Variants in CD163L1 observed in about 807,000 individuals in gnomAD.
The protein encoded by CD163L1 is scavenger receptor cysteine-rich type 1 protein M160.
Under a neutral mutation model 165.4 loss-of-function variants are expected in CD163L1, and 124 were observed. The ratio of observed to expected loss-of-function variants is 0.75; its 90% confidence interval spans 0.65 to 0.87. The LOEUF is 0.87. CD163L1 is among the 40% of genes least tolerant of loss of function. CD163L1 has a pLI of 0.00. For synonymous variants in CD163L1, 585 were observed against 662.2 expected (o/e 0.88, Z 1.79); for missense variants, 1,525 against 1,799.9 (o/e 0.85, Z 2.76).
At position 7,441,200 on chromosome 12, in the gene CD163L1, T is replaced by TA. The variant is rs1337653993; in HGVS notation, c.77dup (p.Thr27AsnfsTer16). On this transcript the variant is annotated frameshift_variant, in exon 2 of 20. Transcript: ENST00000313599. LOFTEE classifies it high-confidence loss of function. ...AGGAATTCAGGAGCAGGATGCAAGTTACCACAGCAGAGAAAAGGTTCTGAT... is the reference window on the plus strand; with the variant it reads ...AGGAATTCAGGAGCAGGATGCAAGTTAACCACAGCAGAGAAAAGGTTCTGAT... The TA allele has an allele frequency of 6.2e-7, 1 of 1,613,974 alleles. No homozygotes were observed. Among genetic ancestry groups the TA allele is most frequent in the East Asian group, 2.2e-5 (1 of 44,868 alleles).
rs771003199 is a variant in CD163L1, at chr12:7,406,576, T to C, written c.1043A>G (p.Asn348Ser). The change falls in exon 5 of 20, where the codon AAT becomes AGT. Residue 348 changes from asparagine (N) to serine (S), a missense_variant. Physicochemically the swap from Asn to Ser is conservative, Grantham distance 46. Transcript: ENST00000313599. ...ATCGTTTTGATGAAGACAGTCAAAATTGACGGTTCCGGAATGTCTGCAGTC... is the reference window on the plus strand; with the variant it reads ...ATCGTTTTGATGAAGACAGTCAAAACTGACGGTTCCGGAATGTCTGCAGTC... ...LWDCRHSGTVNFDCLHQNDVS... is the reference protein window; with the variant it reads ...LWDCRHSGTVSFDCLHQNDVS... 16 of 1,613,966 alleles carry C rather than the reference T, an allele frequency of 9.9e-6. No homozygotes were observed. Among genetic ancestry groups the C allele is most frequent in the Middle Eastern group, 1.6e-4 (1 of 6,082 alleles).
At position 7,421,468 on chromosome 12, in the gene CD163L1, T is replaced by TATATATATAC. The variant is rs1555202362; in HGVS notation, c.766+10947_766+10948insGTATATATAT. Among the ~76,000 whole-genome samples, 30 of 93,390 alleles carry TATATATATAC rather than the reference T, an allele frequency of 3.2e-4. 2 individuals carry two copies. The highest frequency in any genetic ancestry group is 2.3e-3 in the East Asian group (5 of 2,186). 61.3% of individuals were successfully genotyped at this position (93,390 alleles called of 152,430 possible). On this transcript the variant is annotated intron_variant, in intron 4 of 19. Coordinates refer to ENST00000313599, the MANE Select transcript of CD163L1 (RefSeq NM_174941.6). ...ATACATATATGTACATATATACATATATATACATATATGTACATATATACA... is the reference window on the plus strand; with the variant it reads ...ATACATATATGTACATATATACATATATATATATACATATACATATATGTACATATATACA...
intron 8 of CD163L1, among the ~76,000 whole-genome samples, chr12:7,389,266 T>C (rs1428408589): frequency 6.6e-6 from 1 of 152,238 alleles, no homozygotes; most frequent in African/African-American, 2.4e-5. Flanking sequence ...CACCAACATT[T>C]GTTATTGCCT....
chr12:7,397,623 T>C (rs774309126), intron 7 of CD163L1, among the ~76,000 whole-genome samples: 1 of 152,124 alleles, frequency 6.6e-6, no homozygotes, highest in Non-Finnish European at 1.5e-5. Context: ...CTTGAAGAAA[T>C]TGAATCTCTC....
At chr12:7,344,055 C>A (rs916612937), downstream of CD163L1, among the ~76,000 whole-genome samples, 35 of 151,984 alleles carry the variant, frequency 2.3e-4, no homozygotes, top group African/African-American at 8.2e-4. Flanking sequence ...AGTCTGAAAC[C>A]CCAGCAGGGC....
At chr12:7,331,559 C>T in the CD163L1 span, among the ~76,000 whole-genome samples, 3 of 152,214 alleles carry the variant, frequency 2.0e-5, no homozygotes, top group Non-Finnish European at 2.9e-5. Flanking sequence ...ACACCTCACA[C>T]GTCCGGGTAC....
chr12:7,405,600 G>A (rs1948000497), intron 5 of CD163L1, among the ~76,000 whole-genome samples: 1 of 152,114 alleles, frequency 6.6e-6, no homozygotes, highest in Non-Finnish European at 1.5e-5. Context: ...GTCTACATAT[G>A]TTTTTCTATG....
chr12:7,335,707 C>G, the CD163L1 span, among the ~76,000 whole-genome samples: 1 of 152,204 alleles, frequency 6.6e-6, no homozygotes, highest in African/African-American at 2.4e-5. Flanking sequence ...AAACTACCAT[C>G]AGAGTGAACA....
downstream of CD163L1, among the ~76,000 whole-genome samples, chr12:7,346,418 A>G (rs1173855194): frequency 6.6e-6 from 1 of 151,516 alleles, no homozygotes; most frequent in Non-Finnish European, 1.5e-5. Context: ...TGTCTTTCCT[A>G]TTACTGCTTG....
chr12:7,400,899 T>A lies in CD163L1; in HGVS notation c.1409-2315A>T, dbSNP rs550419127. ...TTATGTATTTTATAAAGGGACTCTA[T>A]AAAATACACAGAGTTCTTACACATT... is the stretch of plus-strand genomic sequence containing the variant. On this transcript the variant is annotated intron_variant, in intron 6 of 19. Coordinates refer to ENST00000313599, the MANE Select transcript of CD163L1 (RefSeq NM_174941.6). This position sits in a 1 kb window ranked among gnomAD's most constrained non-coding sequence, Gnocchi z 4.1. Among the ~76,000 whole-genome samples the A allele has an allele frequency of 7.9e-4, 120 of 152,246 alleles. No individual in the cohort carries two copies. The highest frequency in any genetic ancestry group is 1.4e-3 in the Non-Finnish European group (95 of 68,016).
At chr12:7,360,606 T>C (rs1234012843) in intron 18 of CD163L1, among the ~76,000 whole-genome samples, 2 of 152,198 alleles carry the variant, frequency 1.3e-5, no homozygotes, top group South Asian at 2.1e-4. Context: ...CAGTGATTTT[T>C]TGAAAAATTT....
chr12:7,409,411 T>C (rs150332869), intron 4 of CD163L1, among the ~76,000 whole-genome samples: 49 of 151,926 alleles, frequency 3.2e-4, no homozygotes, highest in African/African-American at 1.1e-3. Context: ...TCGGGGGGAA[T>C]GGAGGGGACA....
chr12:7,346,805 A>ATCTTCG (rs1337894062), exon 5 of CD163L1: 1 of 152,126 alleles, frequency 6.6e-6, no homozygotes, highest in Non-Finnish European at 1.5e-5. Flanking sequence ...AGTTTTCAGG[A>ATCTTCG]CAAGTACAAA....
chr12:7,334,585 C>G, the CD163L1 span, among the ~76,000 whole-genome samples: 3 of 152,144 alleles, frequency 2.0e-5, no homozygotes, highest in Non-Finnish European at 2.9e-5. Flanking sequence ...TGGCACAAGA[C>G]AGGGATGCCT....
At chr12:7,363,695 G>A (rs1391933212) in intron 18 of CD163L1, among the ~76,000 whole-genome samples, 5 of 150,954 alleles carry the variant, frequency 3.3e-5, no homozygotes, top group African/African-American at 1.2e-4. Context: ...TATATTTCTA[G>A]TCATATACAA....
the CD163L1 span, chr12:7,327,068 A>G: frequency 6.2e-7 from 1 of 1,610,028 alleles, no homozygotes; most frequent in Admixed American, 1.7e-5. Flanking sequence ...TGAAAAAATC[A>G]ACTGCACCTT....
At chr12:7,329,058 G>A in the CD163L1 span, among the ~76,000 whole-genome samples, 1 of 146,820 alleles carries the variant, frequency 6.8e-6, no homozygotes, top group Non-Finnish European at 1.5e-5. Context: ...ATATACATAT[G>A]TATATATCTG....
chr12:7,359,397 A>T (rs2136380710), intron 18 of CD163L1, among the ~76,000 whole-genome samples: 1 of 152,262 alleles, frequency 6.6e-6, no homozygotes, highest in Middle Eastern at 3.4e-3. Flanking sequence ...TAGAGGAGCA[A>T]GGTAAGAATT....
At chr12:7,425,793 T>C (rs1292128100) in intron 4 of CD163L1, among the ~76,000 whole-genome samples, 2 of 152,178 alleles carry the variant, frequency 1.3e-5, no homozygotes, top group Non-Finnish European at 2.9e-5. Flanking sequence ...TCACACCAGT[T>C]AGAATGGCAA....
Sources: allele counts gnomAD v4.1 joint callset (sites outside exome capture counted in the v4.1 genomes callset), GRCh38; gene constraint gnomAD v4.1.1; non-coding constraint Gnocchi (gnomAD v3.1); transcripts MANE v1.5; gene names NCBI Gene and HGNC (gene_info 2026-07-23, HGNC 2026-07-21).